The following ANKH variants were observed in gnomAD, a reference collection of about 807,000 sequenced individuals.
ANKH encodes the protein mineralization regulator ANKH.
Under a neutral mutation model 49.0 loss-of-function variants are expected in ANKH, and 15 were observed. The observed-to-expected ratio is 0.31, with a 90% CI of 0.20 to 0.47. The LOEUF is 0.47. Ranked by LOEUF, ANKH falls within the 20% of genes least tolerant of loss-of-function variation. ANKH has a pLI of 1.00. For missense variants in ANKH, 429 were observed against 652.0 expected (o/e 0.66, Z 3.72); for synonymous variants, 273 against 260.0 (o/e 1.05, Z -0.48).
rs538862469 is a variant in ANKH, at chr5:14,770,592, T to C, written c.97-1401A>G. Among the ~76,000 whole-genome samples, 26 of 152,344 alleles carry C rather than the reference T, an allele frequency of 1.7e-4. No homozygotes were observed. Among genetic ancestry groups the C allele is most frequent in the African/African-American group, 6.3e-4 (26 of 41,582 alleles). On this transcript the variant is annotated intron_variant, in intron 1 of 11. Coordinates refer to ENST00000284268, the MANE Select transcript of ANKH (RefSeq NM_054027.6). The surrounding 1 kb of genome is among the most constrained non-coding windows in gnomAD (Gnocchi z 4.1). ...CTCTCAAAATATCTTACTGTACTCC[T>C]TGTGATGAGGAAGAGATGAAGCAAG...
intron 1 of ANKH, among the ~76,000 whole-genome samples, chr5:14,822,907 G>A (rs962214713): frequency 6.6e-6 from 1 of 152,100 alleles, no homozygotes; most frequent in Non-Finnish European, 1.5e-5. Context: ...AGTGGTGCAC[G>A]CCTGTAGTCC....
chr5:14,745,954 C>T lies in ANKH; in HGVS notation c.831G>A (p.Ala277=), dbSNP rs752106674. ...GGSSAATEAV[A]ILTATYPVGH... ...CCACAGGGTATGTGGCTGTCAAAAT[C>T]GCCACTGCCTGCAACAGGAAGAGGT... The change falls in exon 7 of 12, where the codon GCG becomes GCA. Residue 277 remains alanine, a synonymous_variant. Transcript: ENST00000284268. This position sits in a 1 kb window ranked among gnomAD's most constrained non-coding sequence, Gnocchi z 4.7. The T allele has an allele frequency of 2.1e-5, 34 of 1,613,934 alleles. No individual in the cohort carries two copies. Among genetic ancestry groups the T allele is most frequent in the East Asian group, 1.3e-4 (6 of 44,900 alleles).
At chr5:14,724,116 G>A (rs1737751671) in intron 8 of ANKH, among the ~76,000 whole-genome samples, 1 of 152,098 alleles carries the variant, frequency 6.6e-6, no homozygotes, top group African/African-American at 2.4e-5. Context: ...TCAAGAGTTC[G>A]AGACCAGCCT....
intron 1 of ANKH, among the ~76,000 whole-genome samples, chr5:14,775,293 G>A (rs1480481338): frequency 6.6e-6 from 1 of 151,968 alleles, no homozygotes; most frequent in Non-Finnish European, 1.5e-5. Flanking sequence ...GGTCTTGGCT[G>A]AACTCCCGGG....
intron 1 of ANKH, among the ~76,000 whole-genome samples, chr5:14,845,348 G>GTGTA (rs1741926247): frequency 1.1e-5 from 1 of 92,266 alleles, no homozygotes; most frequent in African/African-American, 4.2e-5. Flanking sequence ...AGTTTCATGT[G>GTGTA]TATATATATA....
intron 1 of ANKH, 87 bp from the exon 2 acceptor site, chr5:14,769,278 C>T: frequency 1.7e-6 from 2 of 1,148,888 alleles, no homozygotes; most frequent in South Asian, 1.3e-5. Flanking sequence ...TTCAGCAGAT[C>T]ACGTTTCTAT....
At chr5:14,867,749 C>T (rs1207331821) in intron 1 of ANKH, among the ~76,000 whole-genome samples, 1 of 152,070 alleles carries the variant, frequency 6.6e-6, no homozygotes, top group Non-Finnish European at 1.5e-5. Flanking sequence ...TTAGTAGAGA[C>T]GGGGTTTCAC....
chr5:14,850,310 G>A (rs1227938472), intron 1 of ANKH, among the ~76,000 whole-genome samples: 3 of 152,202 alleles, frequency 2.0e-5, no homozygotes, highest in Non-Finnish European at 2.9e-5. Context: ...TGAGCTAAAT[G>A]TGTGTACCAA....
chr5:14,859,485 T>C (rs544026523), intron 1 of ANKH, among the ~76,000 whole-genome samples: 22 of 152,344 alleles, frequency 1.4e-4, no homozygotes, highest in Admixed American at 3.9e-4. Context: ...TTAAGATGTG[T>C]ACCATTGGAA....
At chr5:14,738,749 T>TAA (rs767547100) in intron 8 of ANKH, among the ~76,000 whole-genome samples, 1 of 143,458 alleles carries the variant, frequency 7.0e-6, no homozygotes, top group African/African-American at 2.6e-5. Context: ...TACAAACAGT[T>TAA]AAAAAAAAAA....
intron 9 of ANKH, among the ~76,000 whole-genome samples, chr5:14,715,169 T>C (rs1027554525): frequency 6.6e-6 from 1 of 152,244 alleles, no homozygotes; most frequent in African/African-American, 2.4e-5. Flanking sequence ...TTCACTCTTA[T>C]TGCAGAGGCT....
intron 6 of ANKH, among the ~76,000 whole-genome samples, chr5:14,747,374 G>A (rs558171959): frequency 1.3e-5 from 2 of 152,264 alleles, no homozygotes; most frequent in African/African-American, 2.4e-5. Context: ...GAGCCTGGGA[G>A]TTCGAGACCA....
intron 8 of ANKH, 159 bp from the exon 9 acceptor site, chr5:14,716,994 T>C: frequency 1.1e-6 from 1 of 870,680 alleles, no homozygotes; most frequent in Non-Finnish European, 1.8e-6. Flanking sequence ...CCTGCTTGCT[T>C]GACTCTCTTC....
intron 8 of ANKH, among the ~76,000 whole-genome samples, chr5:14,727,309 T>A (rs907644305): frequency 6.6e-6 from 1 of 152,142 alleles, no homozygotes; most frequent in Non-Finnish European, 1.5e-5. Flanking sequence ...CATCAACTGT[T>A]ACAGCATATT....
intron 8 of ANKH, among the ~76,000 whole-genome samples, chr5:14,727,452 G>A (rs1370833546): frequency 2.0e-5 from 3 of 151,112 alleles, no homozygotes; most frequent in Non-Finnish European, 4.4e-5. Context: ...AAAGCAAAGT[G>A]TCTTTCAGAT....
chr5:14,821,934 C>G (rs1269196868), intron 1 of ANKH, among the ~76,000 whole-genome samples: 1 of 152,158 alleles, frequency 6.6e-6, no homozygotes, highest in Non-Finnish European at 1.5e-5. Flanking sequence ...TATGGAACAG[C>G]ATTTGATCTG....
At chr5:14,734,845 T>G (rs1456462060) in intron 8 of ANKH, among the ~76,000 whole-genome samples, 1 of 152,234 alleles carries the variant, frequency 6.6e-6, no homozygotes, top group East Asian at 1.9e-4. Context: ...CAATTACCCT[T>G]TATAAGGTTC....
chr5:14,723,922 C>T (rs186467053), intron 8 of ANKH, among the ~76,000 whole-genome samples: 1 of 152,312 alleles, frequency 6.6e-6, no homozygotes, highest in East Asian at 1.9e-4. Flanking sequence ...CTTTTTTATT[C>T]ACAAACTTAA....
chr5:14,719,570 A>G (rs1737598139), intron 8 of ANKH, among the ~76,000 whole-genome samples: 2 of 152,244 alleles, frequency 1.3e-5, no homozygotes, highest in African/African-American at 4.8e-5. Context: ...TTACACCACG[A>G]AGGGAAAATG....
Sources: allele counts gnomAD v4.1 joint callset (sites outside exome capture counted in the v4.1 genomes callset), GRCh38; gene constraint gnomAD v4.1.1; non-coding constraint Gnocchi (gnomAD v3.1); transcripts MANE v1.5; gene names NCBI Gene and HGNC (gene_info 2026-07-23, HGNC 2026-07-21).